The following ZNF782 variants were observed in gnomAD, a reference collection of about 807,000 sequenced individuals.
The protein encoded by ZNF782 is zinc finger protein 782.
A neutral mutation model predicts 13.0 loss-of-function variants in ZNF782; 12 were observed. The observed-to-expected ratio is 0.92, with a 90% confidence interval of 0.59 to 1.50. The LOEUF (loss-of-function observed/expected upper bound fraction) is 1.50. ZNF782 is among the 40% of genes most tolerant of loss of function. ZNF782 has a pLI of 0.00. For synonymous variants in ZNF782, 284 were observed against 283.0 expected (o/e 1.00, Z -0.04); for missense variants, 770 against 822.9 (o/e 0.94, Z 0.79).
At chr9:96,820,213 A>G (rs1363835927) in intron 5 of ZNF782, among the ~76,000 whole-genome samples, 1 of 152,234 alleles carries the variant, frequency 6.6e-6, no homozygotes, top group East Asian at 1.9e-4. Context: ...GGTTTGCCGT[A>G]GGGAGTAACG....
At chr9:96,888,461 A>G in the ZNF782 span, 1 of 152,242 alleles carries the variant, frequency 6.6e-6, no homozygotes, top group Non-Finnish European at 1.5e-5. Flanking sequence ...GGACTTCAAC[A>G]CTCTTCTCAG....
chr9:96,893,924 C>T, the ZNF782 span: 4 of 138,370 alleles, frequency 2.9e-5, no homozygotes, highest in Admixed American at 6.9e-5. Context: ...GCCGTGAACC[C>T]GGGAGGCGGA....
rs202078309 is a variant in ZNF782 at position 96,875,374 on chromosome 9, TAA to T, written c.-457+92_-457+93del. 2.9e-3 allele frequency: 1,226 copies of T among 427,418 alleles called. 12 individuals carry two copies. Among genetic ancestry groups the T allele is most frequent in the African/African-American group, 0.022 (1,099 of 49,310 alleles). The allele number at this position is 427,418 out of a possible 1,614,324, so 26.5% of individuals were successfully genotyped here. ...TTTACAGCCAAGTGTATGATTTACCTAAGTTTCAAAACAACGCCATGAAGCAG... is the reference window on the plus strand; with the variant it reads ...TTTACAGCCAAGTGTATGATTTACCTGTTTCAAAACAACGCCATGAAGCAG... On this transcript the variant is annotated intron_variant, in intron 1 of 5. Coordinates refer to the ZNF782 transcript ENST00000498811.
chr9:96,879,904 C>G (rs1851941993), upstream of ZNF782, among the ~76,000 whole-genome samples: 1 of 151,934 alleles, frequency 6.6e-6, no homozygotes, highest in South Asian at 2.1e-4. Context: ...TTGGGATTTT[C>G]TGTGTAGACA....
chr9:96,857,628 C>CG (rs1851659972), upstream of ZNF782, among the ~76,000 whole-genome samples: 1 of 152,142 alleles, frequency 6.6e-6, no homozygotes, highest in Non-Finnish European at 1.5e-5. Flanking sequence ...TGCTGTGGAG[C>CG]GATGACCATG....
At chr9:96,832,563 T>C (rs1312567501) in intron 4 of ZNF782, among the ~76,000 whole-genome samples, 1 of 152,202 alleles carries the variant, frequency 6.6e-6, no homozygotes, top group East Asian at 1.9e-4. Context: ...CATCTGAGAA[T>C]GTCTCAATTT....
At chr9:96,821,359 C>T (rs1482113676) in intron 5 of ZNF782, among the ~76,000 whole-genome samples, 1 of 152,132 alleles carries the variant, frequency 6.6e-6, no homozygotes, top group Non-Finnish European at 1.5e-5. Context: ...TGCTTTTTAG[C>T]CTTAGACCTA....
chr9:96,835,866 A>G (rs139083557), intron 4 of ZNF782, among the ~76,000 whole-genome samples: 14 of 152,360 alleles, frequency 9.2e-5, no homozygotes, highest in Middle Eastern at 3.4e-3. Flanking sequence ...AATTTGGGTT[A>G]GGTCTACTGC....
At chr9:96,884,258 T>C in the ZNF782 span, among the ~76,000 whole-genome samples, 2 of 152,154 alleles carry the variant, frequency 1.3e-5, no homozygotes, top group African/African-American at 4.8e-5. Context: ...GGTCAAACAG[T>C]GAGCTGAGCC....
chr9:96,826,314 C>G lies in ZNF782; in HGVS notation c.244+766G>C, dbSNP rs192655252. On this transcript the variant is annotated intron_variant, in intron 5 of 5. Coordinates refer to ENST00000481138, the MANE Select transcript of ZNF782 (RefSeq NM_001001662.3). Reference sequence around the variant, plus strand: ...TATCGCAAGAACAAAAAACCAAACACCGCATATTCTCACTCATAGGTGGGA... The same window carrying G: ...TATCGCAAGAACAAAAAACCAAACAGCGCATATTCTCACTCATAGGTGGGA... Among the ~76,000 whole-genome samples the G allele has an allele frequency of 0.02, 3,102 of 151,808 alleles. 167 individuals are homozygous for G. The East Asian group carries it at 0.23, about 11-fold the overall frequency.
chr9:96,897,883 A>C, the ZNF782 span: 1 of 151,786 alleles, frequency 6.6e-6, no homozygotes, highest in East Asian at 1.9e-4. Context: ...TTAAACTATT[A>C]TTACAAGCTT....
At chr9:96,902,924 T>A in the ZNF782 span, 1 of 151,180 alleles carries the variant, frequency 6.6e-6, no homozygotes. Flanking sequence ...CACCTCAGGA[T>A]CCGAAGTAGC....
intron 1 of ZNF782, among the ~76,000 whole-genome samples, chr9:96,872,544 A>AG (rs397746584): frequency 2.4e-4 from 37 of 151,780 alleles, no homozygotes; most frequent in Non-Finnish European, 4.7e-4. Context: ...AAAAAAAAAA[A>AG]TTGTGACTAG....
chr9:96,825,627 A>C (rs909096380), intron 5 of ZNF782, among the ~76,000 whole-genome samples: 24 of 151,954 alleles, frequency 1.6e-4, no homozygotes, highest in African/African-American at 5.6e-4. Context: ...ACAACCTACA[A>C]AATGGGAGAA....
the ZNF782 span, among the ~76,000 whole-genome samples, chr9:96,912,264 T>A: frequency 1.6e-5 from 2 of 121,264 alleles, no homozygotes; most frequent in Admixed American, 8.5e-5. Flanking sequence ...ACACCTGTAA[T>A]CTCAGGCCTT....
the ZNF782 span, among the ~76,000 whole-genome samples, chr9:96,912,581 T>G: frequency 2.0e-5 from 3 of 151,228 alleles, no homozygotes; most frequent in Admixed American, 6.6e-5. Context: ...CAGGCTGGAG[T>G]GCAGTGGCAC....
intron 1 of ZNF782, among the ~76,000 whole-genome samples, chr9:96,871,220 T>TGAA (rs1345769846): frequency 1.3e-5 from 2 of 152,186 alleles, no homozygotes; most frequent in African/African-American, 4.8e-5. Flanking sequence ...TCCAGAGCAC[T>TGAA]GAAGCATACA....
At chr9:96,879,562 T>C (rs1588180425), upstream of ZNF782, among the ~76,000 whole-genome samples, 1 of 152,160 alleles carries the variant, frequency 6.6e-6, no homozygotes, top group East Asian at 1.9e-4. Flanking sequence ...AAGGGACTTT[T>C]ACAAAGCCTG....
intron 4 of ZNF782, among the ~76,000 whole-genome samples, chr9:96,840,074 G>T (rs575515532): frequency 6.6e-6 from 1 of 152,030 alleles, no homozygotes; most frequent in African/African-American, 2.4e-5. Context: ...TTCTTTTAGT[G>T]CCAAAAAATT....
Sources: allele counts gnomAD v4.1 joint callset (sites outside exome capture counted in the v4.1 genomes callset), GRCh38; gene constraint gnomAD v4.1.1; transcripts MANE v1.5; gene names NCBI Gene and HGNC (gene_info 2026-07-23, HGNC 2026-07-21).